CYP7B1: variants seen among roughly 807,000 people sequenced by gnomAD.
CYP7B1 encodes the protein cytochrome P450 7B1.
A neutral mutation model predicts 42.7 loss-of-function variants in CYP7B1; 29 were observed. That is an observed-to-expected ratio of 0.68 (90% CI 0.51 to 0.93). CYP7B1 has a LOEUF of 0.93. Among genes scored for constraint, CYP7B1 ranks in the 40% least tolerant of loss-of-function variants. The probability of loss-of-function intolerance (pLI) is 0.00; values close to 1 mark genes in which losing one functional copy is unlikely to be tolerated. For synonymous variants in CYP7B1, 235 were observed against 218.2 expected (o/e 1.08, Z -0.68); for missense variants, 655 against 600.5 (o/e 1.09, Z -0.95).
chr8:64,605,684 C>T (rs1420561584), intron 4 of CYP7B1, among the ~76,000 whole-genome samples: 1 of 152,126 alleles, frequency 6.6e-6, no homozygotes, highest in Non-Finnish European at 1.5e-5. Flanking sequence ...CTGCATCTCT[C>T]CCTTCATAAT....
At chr8:64,669,093 T>C (rs1806326250) in intron 1 of CYP7B1, among the ~76,000 whole-genome samples, 1 of 152,028 alleles carries the variant, frequency 6.6e-6, no homozygotes, top group Non-Finnish European at 1.5e-5. Context: ...TTTGCCAATA[T>C]ACAGTGAACA....
At chr8:64,733,473 T>G (rs916117839) in intron 1 of CYP7B1, among the ~76,000 whole-genome samples, 1 of 152,166 alleles carries the variant, frequency 6.6e-6, no homozygotes, top group Non-Finnish European at 1.5e-5. Context: ...TCCTCACAAC[T>G]GCCCAGCAGT....
At chr8:64,782,930 C>A (rs1307619840) in intron 1 of CYP7B1, among the ~76,000 whole-genome samples, 2 of 152,066 alleles carry the variant, frequency 1.3e-5, no homozygotes, top group Non-Finnish European at 2.9e-5. Context: ...TGAAGCAAGC[C>A]AGAAATCTGT....
intron 1 of CYP7B1, among the ~76,000 whole-genome samples, chr8:64,657,862 C>T (rs1210522959): frequency 1.3e-5 from 2 of 152,146 alleles, no homozygotes; most frequent in African/African-American, 4.8e-5. Context: ...TGTCTTAGTC[C>T]ATTCAGTCTG....
At chr8:64,618,584 C>CTCTCTCTG (rs1245341142) in intron 2 of CYP7B1, among the ~76,000 whole-genome samples, 1 of 151,550 alleles carries the variant, frequency 6.6e-6, no homozygotes, top group Non-Finnish European at 1.5e-5. Flanking sequence ...CTCTCTCTCT[C>CTCTCTCTG]TCTCTTTCTC....
At chr8:64,599,198 T>C (rs997950161) in intron 5 of CYP7B1, among the ~76,000 whole-genome samples, 4 of 152,186 alleles carry the variant, frequency 2.6e-5, no homozygotes, top group Admixed American at 1.3e-4. Context: ...TTCTTTTCTT[T>C]TTTTTTTGGA....
chr8:64,604,439 G>C (rs1318475023), intron 5 of CYP7B1, among the ~76,000 whole-genome samples: 1 of 152,178 alleles, frequency 6.6e-6, no homozygotes, highest in Non-Finnish European at 1.5e-5. Context: ...CACTTCATTT[G>C]AAGCAACTAG....
intron 1 of CYP7B1, among the ~76,000 whole-genome samples, chr8:64,696,289 A>G (rs1292485491): frequency 6.6e-6 from 1 of 152,208 alleles, no homozygotes; most frequent in Non-Finnish European, 1.5e-5. Flanking sequence ...ATGTTTTTAC[A>G]TATTGAACTT....
intron 1 of CYP7B1, among the ~76,000 whole-genome samples, chr8:64,641,745 T>C (rs1805859116): frequency 6.6e-6 from 1 of 152,112 alleles, no homozygotes. Flanking sequence ...ACATGACTCT[T>C]TGGCTGATGA....
At chr8:64,603,918 C>T (rs1346354785) in intron 5 of CYP7B1, among the ~76,000 whole-genome samples, 1 of 152,178 alleles carries the variant, frequency 6.6e-6, no homozygotes, top group Non-Finnish European at 1.5e-5. Flanking sequence ...CAAAGTTTCC[C>T]TTTGAAAAAA....
intron 1 of CYP7B1, among the ~76,000 whole-genome samples, chr8:64,766,541 T>A (rs1324436756): frequency 6.6e-6 from 1 of 151,432 alleles, no homozygotes; most frequent in Non-Finnish European, 1.5e-5. Context: ...GCCACTGCTT[T>A]AGTCATGGCC....
At chr8:64,731,542 C>A (rs1048020912) in intron 1 of CYP7B1, among the ~76,000 whole-genome samples, 3 of 152,150 alleles carry the variant, frequency 2.0e-5, no homozygotes, top group Non-Finnish European at 2.9e-5. Flanking sequence ...GGAAACTCTG[C>A]AGCCTAATGA....
At chr8:64,743,523 A>G (rs1227495225) in intron 1 of CYP7B1, among the ~76,000 whole-genome samples, 1 of 152,186 alleles carries the variant, frequency 6.6e-6, no homozygotes, top group African/African-American at 2.4e-5. Context: ...GGTTAGTCCA[A>G]GATCAAGGTG....
chr8:64,722,710 A>G (rs1807257666), intron 1 of CYP7B1, among the ~76,000 whole-genome samples: 1 of 116,186 alleles, frequency 8.6e-6, no homozygotes, highest in Non-Finnish European at 1.6e-5. Flanking sequence ...AATCAAACAA[A>G]TGACTTAAAG....
intron 1 of CYP7B1, among the ~76,000 whole-genome samples, chr8:64,703,184 A>G (rs926241867): frequency 1.3e-5 from 2 of 151,994 alleles, no homozygotes; most frequent in South Asian, 2.1e-4. Context: ...ACGAAATTCT[A>G]TCTTTTTAAA....
chr8:64,624,234 A>T (rs1342156977), intron 2 of CYP7B1, among the ~76,000 whole-genome samples, 169 bp downstream of exon 2: 1 of 152,094 alleles, frequency 6.6e-6, no homozygotes, highest in East Asian at 1.9e-4. Flanking sequence ...TTGATTTTTA[A>T]TGTGAGGATC....
chr8:64,632,302 A>G (rs1195114844), intron 1 of CYP7B1, among the ~76,000 whole-genome samples: 1 of 152,162 alleles, frequency 6.6e-6, no homozygotes, highest in African/African-American at 2.4e-5. Context: ...ATTATCCTAA[A>G]TGAAATAAGC....
At chr8:64,776,869 G>A (rs895139125) in intron 1 of CYP7B1, among the ~76,000 whole-genome samples, 4 of 152,076 alleles carry the variant, frequency 2.6e-5, no homozygotes, top group African/African-American at 9.7e-5. Flanking sequence ...AATCTGAACA[G>A]GACTTGCAAA....
chr8:64,675,506 T>C (rs1806433034), intron 1 of CYP7B1, among the ~76,000 whole-genome samples: 1 of 150,454 alleles, frequency 6.6e-6, no homozygotes, highest in Non-Finnish European at 1.5e-5. Context: ...ATTTTGCTAT[T>C]ATTATTATTT....
Sources: gnomAD v4.1 joint callset for allele counts (sites outside exome capture counted in the v4.1 genomes callset) on GRCh38, gnomAD v4.1.1 for gene constraint, MANE v1.5 for transcripts, NCBI Gene and HGNC (gene_info 2026-07-23, HGNC 2026-07-21) for gene names.